PRDM2: variants seen among roughly 807,000 people sequenced by gnomAD.
PRDM2 encodes PR/SET domain 2.
In PRDM2, 30 loss-of-function variants were observed where a neutral mutation model predicts 130.0. The observed-to-expected ratio is 0.23, with a 90% CI of 0.17 to 0.31. The LOEUF (loss-of-function observed/expected upper bound fraction) is 0.31, where lower values mean the gene tolerates loss of function less well. Among genes scored for constraint, PRDM2 ranks in the 10% least tolerant of loss-of-function variants. PRDM2 has a pLI of 1.00. For missense variants in PRDM2, 2,011 were observed against 2,108.4 expected (o/e 0.95, Z 0.90); for synonymous variants, 871 against 782.4 (o/e 1.11, Z -1.89).
chr1:13,804,483 A>T (rs1645057719), intron 8 of PRDM2, among the ~76,000 whole-genome samples: 1 of 151,990 alleles, frequency 6.6e-6, no homozygotes, highest in African/African-American at 2.4e-5. Flanking sequence ...CCCCAGCCCC[A>T]TGCTCTTGCG....
In PRDM2 at chr1:13,823,310, C is replaced by A; in HGVS notation, c.*175C>A. On this transcript the variant is annotated 3_prime_UTR_variant, in exon 10 of 10. Coordinates refer to ENST00000311066, the MANE Select transcript of PRDM2 (RefSeq NM_001393986.1). ...GCGTGCGTGTGTGTTCACGTGTTCT[C>A]GTGCGGGCGCGTGAGTGGTCTTCAA... 2 of 1,132,304 alleles carry A rather than the reference C, an allele frequency of 1.8e-6. No homozygotes were observed. The highest frequency in any genetic ancestry group is 2.6e-6 in the Non-Finnish European group (2 of 769,728). 70.1% of individuals were successfully genotyped at this position (1,132,304 alleles called of 1,614,324 possible).
Position 13,733,411 on chromosome 1 carries a change from C to T in PRDM2, c.231+529C>T, listed in dbSNP as rs527815976. On this transcript the variant is annotated intron_variant, in intron 4 of 9. Coordinates refer to ENST00000311066, the MANE Select transcript of PRDM2 (RefSeq NM_001393986.1). ...ATTCTGGAAGACAGCAGGGCATCTG[C>T]ACACTCCTTTGAGAGGAGAAGCAGT... Among the ~76,000 whole-genome samples the T allele has an allele frequency of 5.9e-5, 9 of 152,346 alleles. 1 individual carries two copies. The highest frequency in any genetic ancestry group is 2.2e-4 in the African/African-American group (9 of 41,586).
At chr1:13,713,537 A>G (rs570735988) in intron 1 of PRDM2, among the ~76,000 whole-genome samples, 5 of 152,242 alleles carry the variant, frequency 3.3e-5, no homozygotes, top group Non-Finnish European at 5.9e-5. Context: ...GATACCGATG[A>G]TTCTTGTGAG....
intron 8 of PRDM2, among the ~76,000 whole-genome samples, chr1:13,801,698 G>A (rs1010916284): frequency 2.0e-5 from 3 of 152,232 alleles, no homozygotes; most frequent in Non-Finnish European, 4.4e-5. Context: ...CAGTAAGCAG[G>A]AAATGTTAGC....
chr1:13,796,242 C>T (rs946423142), intron 8 of PRDM2, among the ~76,000 whole-genome samples: 1 of 152,174 alleles, frequency 6.6e-6, no homozygotes, highest in Non-Finnish European at 1.5e-5. Context: ...CTCAAGATCT[C>T]CTTTTCCATC....
At chr1:13,817,422 G>A (rs1645274286) in intron 9 of PRDM2, among the ~76,000 whole-genome samples, 1 of 152,054 alleles carries the variant, frequency 6.6e-6, no homozygotes, top group Admixed American at 6.6e-5. Context: ...ATTTCTGTTG[G>A]ATAAAAACAT....
intron 6 of PRDM2, among the ~76,000 whole-genome samples, chr1:13,755,519 T>C (rs1324441827): frequency 6.6e-6 from 1 of 152,242 alleles, no homozygotes; most frequent in Admixed American, 6.5e-5. Context: ...AAGATCCTTA[T>C]AGTTAGTTCA....
At chr1:13,731,564 C>T (rs1473821863) in intron 3 of PRDM2, among the ~76,000 whole-genome samples, 1 of 152,148 alleles carries the variant, frequency 6.6e-6, no homozygotes, top group Non-Finnish European at 1.5e-5. Flanking sequence ...TTTGTGCCTC[C>T]AGTACCAGAT....
chr1:13,755,487 T>C (rs1643926191), intron 6 of PRDM2, among the ~76,000 whole-genome samples: 1 of 152,236 alleles, frequency 6.6e-6, no homozygotes, highest in Admixed American at 6.5e-5. Context: ...TTAAATTTTC[T>C]AAACTATATA....
chr1:13,762,672 C>A (rs1313564154), intron 6 of PRDM2, among the ~76,000 whole-genome samples: 1 of 152,154 alleles, frequency 6.6e-6, no homozygotes, highest in African/African-American at 2.4e-5. Flanking sequence ...TGGGATAATC[C>A]TTGGAGACCA....
chr1:13,809,523 C>T (rs560643674), intron 8 of PRDM2, among the ~76,000 whole-genome samples: 58 of 152,106 alleles, frequency 3.8e-4, no homozygotes, highest in Admixed American at 3.2e-3. Flanking sequence ...GAGTGGCAGG[C>T]GTGAGGTGGG....
At chr1:13,754,298 T>A (rs770157668) in intron 6 of PRDM2, among the ~76,000 whole-genome samples, 17 of 152,116 alleles carry the variant, frequency 1.1e-4, no homozygotes, top group Non-Finnish European at 2.2e-4. Flanking sequence ...ATGAGAGAGA[T>A]GACTACAGCA....
intron 8 of PRDM2, among the ~76,000 whole-genome samples, chr1:13,792,548 C>A (rs970736395): frequency 6.6e-6 from 1 of 152,194 alleles, no homozygotes; most frequent in African/African-American, 2.4e-5. Context: ...GAGTTTAGAA[C>A]ATTTTCAGAT....
At chr1:13,766,559 A>G (rs973175405) in intron 6 of PRDM2, among the ~76,000 whole-genome samples, 18 of 152,320 alleles carry the variant, frequency 1.2e-4, no homozygotes, top group African/African-American at 4.3e-4. Context: ...CAGCAGGCAC[A>G]ACCCACCTTG....
In PRDM2 at chr1:13,771,069, T is replaced by C. The variant is rs1246376381; in HGVS notation, c.512-2009T>C. On this transcript the variant is annotated intron_variant, in intron 6 of 9. Coordinates refer to ENST00000311066, the MANE Select transcript of PRDM2 (RefSeq NM_001393986.1). The surrounding 1 kb of genome is among the most constrained non-coding windows in gnomAD (Gnocchi z 4.1). The stretch of plus-strand genomic sequence containing the variant: ...GAAAGGAGGTAGAATCCAAATTCCC[T>C]TAAACAAAACTGGATCCCTGAAGAA... Among the ~76,000 whole-genome samples, 1 of 152,220 alleles carries C rather than the reference T, an allele frequency of 6.6e-6. No individual in the cohort carries two copies. The highest frequency in any genetic ancestry group is 1.5e-5 in the Non-Finnish European group (1 of 68,040).
rs74607918 is a variant in PRDM2, at chr1:13,728,481, T to C, written c.10-2519T>C. 8.1e-3 allele frequency among the ~76,000 whole-genome samples: 1,228 copies of C among 152,262 alleles called. 14 individuals are homozygous for C. Among genetic ancestry groups the C allele is most frequent in the African/African-American group, 0.028 (1,162 of 41,552 alleles). The stretch of plus-strand genomic sequence containing the variant: ...CAGTTTGCAGCCATAGCCACGGCCA[T>C]GGAGAGTCCAGCGGGGCTGTGGGGA... On this transcript the variant is annotated intron_variant, in intron 2 of 9. Transcript: ENST00000311066.
chr1:13,749,272 C>G (rs907134399), intron 5 of PRDM2, 89 bp from the exon 6 acceptor site: 6 of 1,215,484 alleles, frequency 4.9e-6, no homozygotes, highest in Non-Finnish European at 6.3e-6. Context: ...CCATCGGCGC[C>G]GCTCCCGCCC....
chr1:13,794,098 C>A (rs1025015831), intron 8 of PRDM2, among the ~76,000 whole-genome samples: 31 of 152,184 alleles, frequency 2.0e-4, no homozygotes, highest in African/African-American at 7.5e-4. Context: ...AGGCCACTTG[C>A]ATTCCACAGA....
chr1:13,780,936 G>A lies in PRDM2; in HGVS notation c.3141G>A (p.Gly1047=). Residue 1047 remains glycine, a synonymous_variant, in exon 8 of 10, where the codon GGG becomes GGA. Coordinates refer to ENST00000311066, the MANE Select transcript of PRDM2 (RefSeq NM_001393986.1). Reference sequence around the variant, plus strand: ...CCCTGATGTCTGCCGCCTCACCCGGGCCTCCAACACTTTCTTCTTCCTCCT... The same window carrying A: ...CCCTGATGTCTGCCGCCTCACCCGGACCTCCAACACTTTCTTCTTCCTCCT... ...VEPLMSAASP[G]PPTLSSSSSS... is the part of the protein sequence containing the mutation. The A allele has an allele frequency of 6.2e-7, 1 of 1,611,446 alleles. No individual in the cohort carries two copies. The highest frequency in any genetic ancestry group is 8.5e-7 in the Non-Finnish European group (1 of 1,178,134).
Sources: allele counts gnomAD v4.1 joint callset (sites outside exome capture counted in the v4.1 genomes callset), GRCh38; gene constraint gnomAD v4.1.1; non-coding constraint Gnocchi (gnomAD v3.1); transcripts MANE v1.5; gene names NCBI Gene and HGNC (gene_info 2026-07-23, HGNC 2026-07-21).